The following PVT1 variants were observed in gnomAD, a reference collection of about 807,000 sequenced individuals.
PVT1 encodes Pvt1 oncogene.
intron 3 of PVT1, among the ~76,000 whole-genome samples, chr8:127,904,035 T>G (rs923135073): frequency 1.3e-5 from 2 of 152,268 alleles, no homozygotes; most frequent in Non-Finnish European, 1.5e-5. Flanking sequence ...ATTTTAATGA[T>G]TTTGATTCTT....
chr8:127,981,432 T>C (rs561197693), intron 3 of PVT1, among the ~76,000 whole-genome samples: 41 of 152,292 alleles, frequency 2.7e-4, no homozygotes, highest in African/African-American at 9.4e-4. Context: ...TGGCATGTGG[T>C]GGGTGGTGTT....
At position 127,896,578 on chromosome 8, in the gene PVT1, A is replaced by T. The variant is rs1815679249; in HGVS notation, n.782+5580A>T. Among the ~76,000 whole-genome samples the T allele has an allele frequency of 2.0e-5, 3 of 149,764 alleles. No homozygotes were observed. In the Admixed American group the frequency reaches 2.0e-4, roughly 10 times the overall value. ...TGATCTTGCTCAAGTTTTTATTTTT[A>T]TTTTTTTCTGTATAAGGGATTTTAT... is the stretch of plus-strand genomic sequence containing the variant. On this transcript the variant is annotated intron_variant and non_coding_transcript_variant, in intron 3 of 10. Transcript: ENST00000651587.
intron 4 of PVT1, among the ~76,000 whole-genome samples, chr8:128,065,199 TA>T (rs869261999): frequency 0.063 from 2,128 of 33,734 alleles, 55 homozygotes; most frequent in African/African-American, 0.11. Context: ...TTTTATTTTT[TA>T]TTTTTTTTTG....
At chr8:127,974,340 A>G (rs187932662) in intron 3 of PVT1, among the ~76,000 whole-genome samples, 47 of 152,258 alleles carry the variant, frequency 3.1e-4, no homozygotes, top group Admixed American at 2.4e-3. Flanking sequence ...CCAGTTCCCC[A>G]GAGTTTTATC....
intron 3 of PVT1, among the ~76,000 whole-genome samples, chr8:127,945,414 G>T (rs1816408166): frequency 6.6e-6 from 1 of 152,124 alleles, no homozygotes; most frequent in African/African-American, 2.4e-5. Flanking sequence ...GTACACAAGA[G>T]CCCTGTTTTC....
At chr8:128,033,517 T>C (rs1346912752) in intron 4 of PVT1, among the ~76,000 whole-genome samples, 3 of 152,222 alleles carry the variant, frequency 2.0e-5, no homozygotes, top group Non-Finnish European at 4.4e-5. Flanking sequence ...AGCTTCTCCC[T>C]GGGCGGCCAC....
In PVT1 at chr8:127,819,543, A is replaced by G. The variant is rs555620279; in HGVS notation, n.372+23472A>G. ...CACGCTGGGATTTGAAAGACTCTCT[A>G]TGTGTCCTAACTGGTATGCTCTCCT... On this transcript the variant is annotated intron_variant and non_coding_transcript_variant, in intron 2 of 10. Coordinates refer to ENST00000651587, the Ensembl canonical transcript of PVT1. 1.1e-4 allele frequency among the ~76,000 whole-genome samples: 16 copies of G among 152,280 alleles called. No individual in the cohort carries two copies. In the South Asian group the frequency reaches 2.3e-3, roughly 22 times the overall value.
intron 4 of PVT1, chr8:128,010,601 T>G (rs1817302770): frequency 6.6e-6 from 1 of 152,236 alleles, no homozygotes; most frequent in African/African-American, 2.4e-5. Context: ...ATACTGCCAC[T>G]GCGCAAAGCT....
intron 4 of PVT1, among the ~76,000 whole-genome samples, chr8:128,028,034 C>T (rs1395794864): frequency 3.3e-5 from 5 of 152,334 alleles, no homozygotes; most frequent in East Asian, 1.9e-4. Context: ...TGCTGTCTCC[C>T]GCTTCCTGCC....
chr8:127,842,745 G>T (rs964554398), intron 2 of PVT1, among the ~76,000 whole-genome samples: 4 of 152,138 alleles, frequency 2.6e-5, no homozygotes, highest in African/African-American at 9.7e-5. Flanking sequence ...CTTCAGAAGA[G>T]ACCTTTTCAT....
intron 3 of PVT1, among the ~76,000 whole-genome samples, chr8:127,900,789 G>A (rs1815749719): frequency 6.6e-6 from 1 of 152,204 alleles, no homozygotes. Flanking sequence ...ACTGGAGGTT[G>A]CCACATCACT....
At chr8:127,902,061 T>C (rs1019214304) in intron 3 of PVT1, among the ~76,000 whole-genome samples, 15 of 152,254 alleles carry the variant, frequency 9.9e-5, no homozygotes, top group Non-Finnish European at 1.8e-4. Flanking sequence ...TTAGAATGCG[T>C]AGAAATGTGT....
chr8:127,943,712 C>G lies in PVT1; in HGVS notation n.783-45450C>G, dbSNP rs16902489. Among the ~76,000 whole-genome samples, 1,327 of 152,284 alleles carry G rather than the reference C, an allele frequency of 8.7e-3. 15 individuals are homozygous for G. Among genetic ancestry groups the G allele is most frequent in the African/African-American group, 0.03 (1,246 of 41,554 alleles). On this transcript the variant is annotated intron_variant and non_coding_transcript_variant, in intron 3 of 10. Coordinates refer to ENST00000651587, the Ensembl canonical transcript of PVT1. The stretch of plus-strand genomic sequence containing the variant: ...TACATATGTGTGTGTAAAAATCTCC[C>G]TTTGTTGAGAACCACTAATCTAGAG...
chr8:127,802,278 T>C (rs1044998016), intron 2 of PVT1, among the ~76,000 whole-genome samples: 2 of 152,072 alleles, frequency 1.3e-5, no homozygotes, highest in African/African-American at 4.8e-5. Flanking sequence ...CAGTGATGTG[T>C]TCATAGATCA....
rs36101639 is a variant in PVT1 at position 127,817,528 on chromosome 8, A to AATATATATATAT, written n.372+21465_372+21476dup. 4.1e-3 allele frequency among the ~76,000 whole-genome samples: 284 copies of AATATATATATAT among 68,684 alleles called. 5 individuals are homozygous for AATATATATATAT. Among genetic ancestry groups the AATATATATATAT allele is most frequent in the African/African-American group, 0.015 (280 of 19,148 alleles). The allele number at this position is 68,684 out of a possible 152,430, so 45.1% of individuals were successfully genotyped here. A position where few individuals can be genotyped will look rare whatever the true frequency, so the allele number is the denominator to read the frequency against. ...ATATTTAAATAGATATATCTATTTA[A>AATATATATATAT]ATATATATATATATATATACACACA... On this transcript the variant is annotated intron_variant and non_coding_transcript_variant, in intron 2 of 10. Transcript: ENST00000651587.
chr8:128,081,587 A>G (rs1442867091), intron 5 of PVT1, among the ~76,000 whole-genome samples: 2 of 152,206 alleles, frequency 1.3e-5, no homozygotes, highest in Non-Finnish European at 2.9e-5. Context: ...TAATGTTATT[A>G]AATGTTATTG....
chr8:128,026,000 G>T (rs992005839), intron 4 of PVT1, among the ~76,000 whole-genome samples: 4 of 151,756 alleles, frequency 2.6e-5, no homozygotes, highest in Admixed American at 2.0e-4. Context: ...TGTCCAGGCC[G>T]GAGTGCAATG....
intron 3 of PVT1, among the ~76,000 whole-genome samples, chr8:127,986,457 A>G (rs1040237738): frequency 1.3e-5 from 2 of 152,204 alleles, no homozygotes; most frequent in East Asian, 1.9e-4. Flanking sequence ...ACCTCAGTCA[A>G]CCACACAGCA....
At chr8:127,954,488 T>C (rs1224687410) in intron 3 of PVT1, among the ~76,000 whole-genome samples, 3 of 152,048 alleles carry the variant, frequency 2.0e-5, no homozygotes, top group Non-Finnish European at 4.4e-5. Context: ...AGAGATGGGG[T>C]TTCACTATGT....
Sources: gnomAD v4.1 joint callset for allele counts (sites outside exome capture counted in the v4.1 genomes callset) on GRCh38, gnomAD v4.1.1 for gene constraint, MANE v1.5 for transcripts, NCBI Gene and HGNC (gene_info 2026-07-23, HGNC 2026-07-21) for gene names.